Variants in TF observed in about 807,000 individuals in gnomAD.
TF encodes the protein transferrin, also known as serotransferrin.
In TF, 55 loss-of-function variants were observed where a neutral mutation model predicts 82.4. That is an observed-to-expected ratio of 0.67 (90% confidence interval 0.54 to 0.84). The LOEUF (loss-of-function observed/expected upper bound fraction) is 0.84, where lower values mean the gene tolerates loss of function less well. Ranked by LOEUF, TF falls within the 40% of genes least tolerant of loss-of-function variation. TF has a pLI of 0.00. For missense variants in TF, 737 were observed against 868.4 expected, an observed-to-expected ratio of 0.85 and a Z score of 1.90; for synonymous variants, 332 against 332.6, an observed-to-expected ratio of 1.00 and a Z score of 0.02.
In TF at chr3:133,754,524, G is replaced by A. The variant is rs1933769842; in HGVS notation, c.355G>A (p.Val119Met). The change falls in exon 4 of 17, where the codon GTG becomes ATG. Residue 119 changes from valine to methionine, a missense_variant. Transcript: ENST00000402696. ...ACAGACTTTCTATTATGCTGTTGCT[G>A]TGGTGAAGAAGGATAGTGGCTTCCA... ...DPQTFYYAVA[V>M]VKKDSGFQMN... 2 of 1,614,070 alleles carry A rather than the reference G, an allele frequency of 1.2e-6. No individual in the cohort carries two copies. The highest frequency in any genetic ancestry group is 1.1e-5 in the South Asian group (1 of 91,088).
intron 11 of TF, among the ~76,000 whole-genome samples, chr3:133,765,867 AG>A (rs68145684): frequency 0.013 from 1,997 of 152,272 alleles, 53 homozygotes; most frequent in African/African-American, 0.045. Context: ...TGTTTGGCTC[AG>A]TTTTTTCTCT....
rs1313044382 is a variant in TF, at chr3:133,777,219, G to A, written c.2043G>A (p.Leu681=). The change falls in exon 16 of 17, where the codon CTG becomes CTA. Residue 681 remains leucine (L), a synonymous_variant. Coordinates refer to ENST00000402696, the MANE Select transcript of TF (RefSeq NM_001063.4). Reference sequence around the variant, plus strand: ...AATATGTCAAGGCTGTTGGTAACCTGAGAAAATGCTCCACCTCATGTGAGT... The same window carrying A: ...AATATGTCAAGGCTGTTGGTAACCTAAGAAAATGCTCCACCTCATGTGAGT... ...GEEYVKAVGN[L]RKCSTSSLLE... 1 of 1,613,128 alleles carries A rather than the reference G, an allele frequency of 6.2e-7. No homozygotes were observed.
the TF span, among the ~76,000 whole-genome samples, chr3:133,719,038 T>C: frequency 3.0e-3 from 458 of 152,322 alleles, 3 homozygotes; most frequent in African/African-American, 0.01. Flanking sequence ...CATTTCCACC[T>C]AAGTGTCATA....
At position 133,786,287 on chromosome 3, in the gene TF, G is replaced by C. The variant is rs954324156; in HGVS notation, c.*7667G>C. On this transcript the variant is annotated 3_prime_UTR_variant, in exon 17 of 17. Coordinates refer to ENST00000402696, the MANE Select transcript of TF (RefSeq NM_001063.4). ...CTACCCTTTCTAGATGTTCTGAAAT[G>C]CCTATGTTAAAATTAGAGATAGTAA... 1 of 149,984 alleles carries C rather than the reference G, an allele frequency of 6.7e-6. No individual in the cohort carries two copies. The highest frequency in any genetic ancestry group is 2.5e-5 in the African/African-American group (1 of 40,372). The allele number at this position is 149,984 out of a possible 1,614,324, so 9.3% of individuals were successfully genotyped here. A position where few individuals can be genotyped will look rare whatever the true frequency, so the allele number is the denominator to read the frequency against.
chr3:133,731,855 C>T, the TF span, among the ~76,000 whole-genome samples: 2 of 152,206 alleles, frequency 1.3e-5, no homozygotes, highest in Non-Finnish European at 2.9e-5. Context: ...ACTCCAATCC[C>T]ATGCCCATTT....
At chr3:133,732,782 T>C in the TF span, among the ~76,000 whole-genome samples, 1 of 152,006 alleles carries the variant, frequency 6.6e-6, no homozygotes, top group Admixed American at 6.6e-5. Context: ...GCAGCTTTGT[T>C]CTTGAACTCA....
chr3:133,777,201 C>G lies in TF; in HGVS notation c.2025C>G (p.Val675=). The G allele has an allele frequency of 1.2e-6, 2 of 1,613,768 alleles. No homozygotes were observed. The highest frequency in any genetic ancestry group is 1.7e-6 in the Non-Finnish European group (2 of 1,180,012). The change falls in exon 16 of 17, where the codon GTC becomes GTG. Residue 675 remains valine (V), a synonymous_variant. Transcript: ENST00000402696. ...TYEKYLGEEY[V]KAVGNLRKCS... Reference sequence around the variant, plus strand: ...AAAAATACTTAGGAGAAGAATATGTCAAGGCTGTTGGTAACCTGAGAAAAT... The same window carrying G: ...AAAAATACTTAGGAGAAGAATATGTGAAGGCTGTTGGTAACCTGAGAAAAT...
chr3:133,762,862 T>C (rs1934030138), intron 9 of TF, among the ~76,000 whole-genome samples: 1 of 152,234 alleles, frequency 6.6e-6, no homozygotes, highest in African/African-American at 2.4e-5. Context: ...GGCATCAGTT[T>C]GCTACAGTGA....
chr3:133,726,164 G>C, the TF span, among the ~76,000 whole-genome samples: 1 of 152,128 alleles, frequency 6.6e-6, no homozygotes, highest in Admixed American at 6.5e-5. Context: ...GGATGATGCT[G>C]GCCTCATAAA....
chr3:133,711,817 T>C, the TF span, among the ~76,000 whole-genome samples: 1 of 151,944 alleles, frequency 6.6e-6, no homozygotes, highest in South Asian at 2.1e-4. Flanking sequence ...AGAACAAAAC[T>C]AATGACAGTA....
chr3:133,794,959 A>T lies in TF; in HGVS notation c.*16339A>T, dbSNP rs967478769. The stretch of plus-strand genomic sequence containing the variant: ...GCCAGCTTTAGGTCCTTTTTCCATG[A>T]TTTGGAATAAAAGAGGCAAATGTAT... On this transcript the variant is annotated 3_prime_UTR_variant, in exon 17 of 17. Transcript: ENST00000402696. The T allele has an allele frequency of 6.6e-6, 1 of 152,232 alleles. No homozygotes were observed. Among genetic ancestry groups the T allele is most frequent in the African/African-American group, 2.4e-5 (1 of 41,464 alleles). 9.4% of individuals were successfully genotyped at this position (152,232 alleles called of 1,614,324 possible). A position where few individuals can be genotyped will look rare whatever the true frequency, so the allele number is the denominator to read the frequency against.
chr3:133,672,972 G>T, the TF span, among the ~76,000 whole-genome samples: 12 of 147,288 alleles, frequency 8.1e-5, no homozygotes, highest in South Asian at 2.2e-4. Flanking sequence ...AGGAAGGAAA[G>T]TTCCTTAATA....
the TF span, among the ~76,000 whole-genome samples, chr3:133,680,940 T>G: frequency 3.1e-4 from 47 of 152,198 alleles, 1 homozygote; most frequent in Middle Eastern, 3.4e-3. Context: ...ACTGTGAAAA[T>G]TAGAGGAAAG....
At chr3:133,778,552 T>G in intron 16 of TF, 34 bp from the exon 17 acceptor site, 1 of 1,610,706 alleles carries the variant, frequency 6.2e-7, no homozygotes, top group South Asian at 1.1e-5. Flanking sequence ...ATAGGAAGAT[T>G]TTGAAAATCC....
chr3:133,720,044 A>G, the TF span, among the ~76,000 whole-genome samples: 3 of 152,228 alleles, frequency 2.0e-5, no homozygotes, highest in South Asian at 6.2e-4. Context: ...GACTCCTCCA[A>G]TGATAATTTG....
At chr3:133,673,377 T>A in the TF span, among the ~76,000 whole-genome samples, 1 of 152,160 alleles carries the variant, frequency 6.6e-6, no homozygotes, top group Non-Finnish European at 1.5e-5. Context: ...GAAAACCAAT[T>A]GTTTTTTTCA....
the TF span, among the ~76,000 whole-genome samples, chr3:133,687,899 C>A: frequency 2.0e-5 from 3 of 152,164 alleles, no homozygotes; most frequent in Admixed American, 6.5e-5. Flanking sequence ...CATTCGTGTG[C>A]ATGTGTTTCT....
the TF span, among the ~76,000 whole-genome samples, chr3:133,687,251 G>C: frequency 1.8e-4 from 27 of 152,068 alleles, no homozygotes; most frequent in Admixed American, 1.8e-3. Flanking sequence ...TGTAAATGAT[G>C]AGTTAGTTGG....
In TF at chr3:133,790,486, G is replaced by T. The variant is rs1278415901; in HGVS notation, c.*11866G>T. 6.6e-6 allele frequency: 1 copy of T among 152,174 alleles called. No homozygotes were observed. The highest frequency in any genetic ancestry group is 6.5e-5 in the Admixed American group (1 of 15,280). The allele number at this position is 152,174 out of a possible 1,614,324, so 9.4% of individuals were successfully genotyped here. On this transcript the variant is annotated 3_prime_UTR_variant, in exon 17 of 17. Coordinates refer to ENST00000402696, the MANE Select transcript of TF (RefSeq NM_001063.4). ...AAAAGGTTACTTATGAAACAATGTA[G>T]TAAGGAACCAGTAAGTAGAGGAGAA...
Sources: allele counts gnomAD v4.1 joint callset (sites outside exome capture counted in the v4.1 genomes callset), GRCh38; gene constraint gnomAD v4.1.1; transcripts MANE v1.5; gene names NCBI Gene and HGNC (gene_info 2026-07-23, HGNC 2026-07-21).